The following COBL variants were observed in gnomAD, a reference collection of about 807,000 sequenced individuals.
COBL encodes cordon-bleu WH2 repeat protein, also known as protein cordon-bleu.
Under a neutral mutation model 98.8 loss-of-function variants are expected in COBL, and 51 were observed. That is an observed-to-expected ratio of 0.52 (90% CI 0.41 to 0.65). The LOEUF (loss-of-function observed/expected upper bound fraction) is 0.65, where lower values mean the gene tolerates loss of function less well. Ranked by LOEUF, COBL falls within the 30% of genes least tolerant of loss-of-function variation. COBL has a pLI of 0.00. For synonymous variants in COBL, 634 were observed against 651.7 expected (o/e 0.97, Z 0.41); for missense variants, 1,617 against 1,617.5 (o/e 1.00, Z 0.01).
chr7:51,118,001 T>C (rs919212979), intron 6 of COBL, among the ~76,000 whole-genome samples: 1 of 152,174 alleles, frequency 6.6e-6, no homozygotes, highest in Non-Finnish European at 1.5e-5. Flanking sequence ...GAGCCAGAGA[T>C]TTAGCCAGAA....
At chr7:51,093,621 A>C (rs1795012123) in intron 6 of COBL, among the ~76,000 whole-genome samples, 1 of 152,204 alleles carries the variant, frequency 6.6e-6, no homozygotes, top group African/African-American at 2.4e-5. Context: ...GCAGGGCACA[A>C]TGGCTCACAC....
intron 7 of COBL, chr7:51,064,756 A>T (rs543024623): frequency 1.9e-3 from 328 of 170,566 alleles, no homozygotes; most frequent in African/African-American, 7.6e-3. Context: ...GACATTTTAT[A>T]TTTTTTTTTA....
chr7:51,047,202 C>T (rs1010841805), intron 7 of COBL, among the ~76,000 whole-genome samples: 1 of 152,210 alleles, frequency 6.6e-6, no homozygotes, highest in African/African-American at 2.4e-5. Context: ...TGTGAAAAAG[C>T]ACACTTACTT....
rs1031450895 is a variant in COBL, at chr7:51,017,264, A to C, written c.*287T>G. On this transcript the variant is annotated 3_prime_UTR_variant, in exon 13 of 13. Coordinates refer to ENST00000265136, the MANE Select transcript of COBL (RefSeq NM_015198.5). ...TAATTAAGTGTGAGTGCTGGGCTCC[A>C]GCATTTATAGTCCCATTAACCTGCC... 8.8e-6 allele frequency: 5 copies of C among 567,640 alleles called. No homozygotes were observed. The highest frequency in any genetic ancestry group is 2.5e-5 in the South Asian group (1 of 40,776). 35.2% of individuals were successfully genotyped at this position (567,640 alleles called of 1,614,324 possible). A position where few individuals can be genotyped will look rare whatever the true frequency, so the allele number is the denominator to read the frequency against.
intron 2 of COBL, among the ~76,000 whole-genome samples, chr7:51,194,029 T>C (rs1336414393): frequency 1.3e-5 from 2 of 152,170 alleles, no homozygotes; most frequent in African/African-American, 4.8e-5. Context: ...GGGGGCTTGT[T>C]GTACAGCTTA....
chr7:51,154,567 C>T (rs752189045), intron 5 of COBL, among the ~76,000 whole-genome samples: 3 of 152,164 alleles, frequency 2.0e-5, no homozygotes, highest in Admixed American at 6.5e-5. Context: ...AGCCTCTGTA[C>T]GAATAACTCC....
chr7:51,168,385 G>A (rs765098086), intron 5 of COBL, among the ~76,000 whole-genome samples: 12 of 151,458 alleles, frequency 7.9e-5, no homozygotes, highest in East Asian at 1.9e-4. Context: ...GCAGTGAGCC[G>A]AGATCGCACC....
chr7:51,275,206 G>A (rs922506229), intron 1 of COBL, among the ~76,000 whole-genome samples: 8 of 152,284 alleles, frequency 5.3e-5, no homozygotes, highest in African/African-American at 1.9e-4. Context: ...AGGCCCAAGG[G>A]CTGGCTGTGG....
intron 1 of COBL, among the ~76,000 whole-genome samples, chr7:51,302,629 G>A (rs983536801): frequency 8.0e-5 from 12 of 150,610 alleles, no homozygotes; most frequent in Non-Finnish European, 1.3e-4. Context: ...GGGTGTGGTC[G>A]CTCAGGCCTG....
At chr7:51,226,922 T>A (rs1188279369) in intron 1 of COBL, among the ~76,000 whole-genome samples, 1 of 152,208 alleles carries the variant, frequency 6.6e-6, no homozygotes, top group Admixed American at 6.5e-5. Flanking sequence ...TCCAACCAGT[T>A]AAGTAACCTT....
intron 8 of COBL, among the ~76,000 whole-genome samples, chr7:51,041,037 A>C (rs1179785388): frequency 6.6e-6 from 1 of 152,234 alleles, no homozygotes; most frequent in African/African-American, 2.4e-5. Context: ...TACAGTAGAA[A>C]GTGGTTTTTC....
rs574050911 is a variant in COBL at position 51,016,679 on chromosome 7, G to A, written c.*872C>T. 2.9e-6 allele frequency: 1 copy of A among 343,264 alleles called. No homozygotes were observed. The highest frequency in any genetic ancestry group is 1.5e-4 in the South Asian group (1 of 6,562). 21.3% of individuals were successfully genotyped at this position (343,264 alleles called of 1,614,324 possible). A position where few individuals can be genotyped will look rare whatever the true frequency, so the allele number is the denominator to read the frequency against. On this transcript the variant is annotated 3_prime_UTR_variant, in exon 13 of 13. Transcript: ENST00000265136. The stretch of plus-strand genomic sequence containing the variant: ...TGACAGGTGGGCATCCAACATCCCT[G>A]CTCCTTGACCCTCTGCAGGATTCCA...
At chr7:51,153,117 C>T (rs964487745) in intron 5 of COBL, among the ~76,000 whole-genome samples, 1 of 152,120 alleles carries the variant, frequency 6.6e-6, no homozygotes, top group Non-Finnish European at 1.5e-5. Flanking sequence ...GTCCCAGCTG[C>T]CATGGGGGAT....
At chr7:51,183,401 A>G (rs1212679543) in intron 5 of COBL, among the ~76,000 whole-genome samples, 2 of 152,320 alleles carry the variant, frequency 1.3e-5, no homozygotes, top group Non-Finnish European at 1.5e-5. Flanking sequence ...AAATACGGAT[A>G]ATGAGCATTT....
At position 51,141,573 on chromosome 7, in the gene COBL, G is replaced by A. The variant is rs569480422; in HGVS notation, c.784-5242C>T. Among the ~76,000 whole-genome samples, 5 of 152,006 alleles carry A rather than the reference G, an allele frequency of 3.3e-5. No individual in the cohort carries two copies. In the South Asian group the frequency reaches 1.0e-3, roughly 32 times the overall value. On this transcript the variant is annotated intron_variant, in intron 5 of 12. Coordinates refer to ENST00000265136, the MANE Select transcript of COBL (RefSeq NM_015198.5). Reference sequence around the variant, plus strand: ...AAGATGAAACTAGAAATATGTTCCTGTTGCTGCCTGCAGCCTCCTCTCCTT... The same window carrying A: ...AAGATGAAACTAGAAATATGTTCCTATTGCTGCCTGCAGCCTCCTCTCCTT...
intron 6 of COBL, among the ~76,000 whole-genome samples, chr7:51,127,100 C>T (rs927360528): frequency 6.6e-6 from 1 of 152,122 alleles, no homozygotes; most frequent in East Asian, 1.9e-4. Context: ...GGCCGTGGGA[C>T]GTGGAGGGCC....
At chr7:51,036,713 C>T (rs1391816967) in intron 8 of COBL, among the ~76,000 whole-genome samples, 1 of 152,202 alleles carries the variant, frequency 6.6e-6, no homozygotes, top group Non-Finnish European at 1.5e-5. Context: ...TGAAATGGGA[C>T]ATCGGGCACT....
At position 51,219,871 on chromosome 7, in the gene COBL, G is replaced by C. The variant is rs754831426; in HGVS notation, c.115C>G (p.Pro39Ala). The C allele has an allele frequency of 6.2e-7, 1 of 1,613,430 alleles. No individual in the cohort carries two copies. Among genetic ancestry groups the C allele is most frequent in the Non-Finnish European group, 8.5e-7 (1 of 1,180,036 alleles). Residue 39 changes from proline (P) to alanine (A), a missense_variant, in exon 2 of 13, where the codon CCC becomes GCC. Coordinates refer to ENST00000265136, the MANE Select transcript of COBL (RefSeq NM_015198.5). ...ATLHVHSDQK[P>A]PHDGALGSQQ... Reference sequence around the variant, plus strand: ...GACCCGAGGGCCCCATCGTGGGGGGGCTTCTGGTCACTGTGCACATGCAGA... The same window carrying C: ...GACCCGAGGGCCCCATCGTGGGGGGCCTTCTGGTCACTGTGCACATGCAGA...
intron 7 of COBL, among the ~76,000 whole-genome samples, chr7:51,056,053 C>A (rs985485643): frequency 6.6e-6 from 1 of 152,182 alleles, no homozygotes; most frequent in Non-Finnish European, 1.5e-5. Context: ...TTACAAATGT[C>A]ATTTTTCTTC....
Sources: allele counts gnomAD v4.1 joint callset (sites outside exome capture counted in the v4.1 genomes callset), GRCh38; gene constraint gnomAD v4.1.1; transcripts MANE v1.5; gene names NCBI Gene and HGNC (gene_info 2026-07-23, HGNC 2026-07-21).